Variants in TIAL1 observed in about 807,000 individuals in gnomAD.
TIAL1 encodes the protein TIA1 cytotoxic granule associated RNA binding protein like 1, also known as nucleolysin TIAR.
TIAL1 carries 7 observed loss-of-function variants against 59.7 expected under a neutral mutation model. The ratio of observed to expected loss-of-function variants is 0.12; its 90% CI spans 0.07 to 0.22. The LOEUF is 0.22. TIAL1 is among the 10% of genes least tolerant of loss of function. TIAL1 has a pLI of 1.00. For synonymous variants in TIAL1, 149 were observed against 146.3 expected (o/e 1.02, Z -0.13); for missense variants, 225 against 462.5 (o/e 0.49, Z 4.71).
chr10:119,580,894 A>T (rs1280598545), intron 5 of TIAL1: 3 of 1,089,180 alleles, frequency 2.8e-6, no homozygotes, highest in Non-Finnish European at 3.5e-6. Context: ...ACTTGGACTT[A>T]AGAAAAACTG....
chr10:119,591,780 C>G (rs773458548), intron 1 of TIAL1, among the ~76,000 whole-genome samples: 14 of 152,298 alleles, frequency 9.2e-5, no homozygotes, highest in Admixed American at 2.0e-4. Flanking sequence ...TTTTCTTTTA[C>G]TGAGTTCTTG....
chr10:119,585,407 G>A lies in TIAL1; in HGVS notation c.129+2745C>T, dbSNP rs185060707. On this transcript the variant is annotated intron_variant, in intron 2 of 11. Transcript: ENST00000436547. The stretch of plus-strand genomic sequence containing the variant: ...GGAGGCTGCAGTGAGCCATGATGGC[G>A]CCACTGCACTCCAGCCTGGAGGACA... Among the ~76,000 whole-genome samples, 297 of 150,592 alleles carry A rather than the reference G, an allele frequency of 2.0e-3. 12 individuals are homozygous for A. The highest frequency in any genetic ancestry group is 0.018 in the Admixed American group (271 of 15,102).
Position 119,574,937 on chromosome 10 carries a change from A to T in TIAL1, c.*728T>A, listed in dbSNP as rs1169775739. The T allele has an allele frequency of 6.6e-6, 1 of 152,652 alleles. No individual in the cohort carries two copies. The highest frequency in any genetic ancestry group is 1.5e-5 in the Non-Finnish European group (1 of 68,044). 9.5% of individuals were successfully genotyped at this position (152,652 alleles called of 1,614,324 possible). On this transcript the variant is annotated 3_prime_UTR_variant, in exon 12 of 12. Transcript: ENST00000436547. ...GTATGACTGTCTGACTTCAATACAAACACCATACTTGGATTTCCCCCCAAA... is the reference window on the plus strand; with the variant it reads ...GTATGACTGTCTGACTTCAATACAATCACCATACTTGGATTTCCCCCCAAA...
intron 11 of TIAL1, among the ~76,000 whole-genome samples, 177 bp downstream of exon 11, chr10:119,576,434 A>G (rs1319104082): frequency 1.3e-5 from 2 of 152,194 alleles, no homozygotes; most frequent in African/African-American, 4.8e-5. Context: ...CACCTAGGTA[A>G]TGAGAAGTAA....
At chr10:119,578,224 C>CAAAA (rs10541595) in intron 7 of TIAL1, among the ~76,000 whole-genome samples, 1 of 57,348 alleles carries the variant, frequency 1.7e-5, no homozygotes, top group Non-Finnish European at 3.0e-5. Flanking sequence ...GACTCCACCT[C>CAAAA]AAAAAAAAAA....
chr10:119,596,419 G>T lies in TIAL1; in HGVS notation c.32+15C>A. 1.2e-6 allele frequency: 2 copies of T among 1,611,192 alleles called. No individual in the cohort carries two copies. Among genetic ancestry groups the T allele is most frequent in the South Asian group, 1.1e-5 (1 of 90,782 alleles). Reference sequence around the variant, plus strand: ...GGCCTCTTGGCGCCTGGCACCCCTCGTCTCGGGTACTCACAGAGTCCGGGG... The same window carrying T: ...GGCCTCTTGGCGCCTGGCACCCCTCTTCTCGGGTACTCACAGAGTCCGGGG... On this transcript the variant is annotated intron_variant, in intron 1 of 11. Coordinates refer to ENST00000436547, the MANE Select transcript of TIAL1 (RefSeq NM_003252.4).
chr10:119,584,855 C>T (rs1388386408), intron 2 of TIAL1, among the ~76,000 whole-genome samples: 1 of 151,474 alleles, frequency 6.6e-6, no homozygotes, highest in Non-Finnish European at 1.5e-5. Context: ...GCCTGTAACC[C>T]AAGCACTTTG....
At chr10:119,587,028 C>T (rs1845600125) in intron 2 of TIAL1, among the ~76,000 whole-genome samples, 1 of 152,078 alleles carries the variant, frequency 6.6e-6, no homozygotes, top group Admixed American at 6.6e-5. Flanking sequence ...TCGATGAAAG[C>T]ACAAATAAAT....
At chr10:119,579,670 T>G (rs927818070) in intron 6 of TIAL1, among the ~76,000 whole-genome samples, 11 of 152,330 alleles carry the variant, frequency 7.2e-5, no homozygotes, top group Admixed American at 6.5e-4. Context: ...GGGCTTTACT[T>G]CTAAATCCAT....
intron 1 of TIAL1, among the ~76,000 whole-genome samples, chr10:119,592,654 A>G (rs983661210): frequency 2.0e-5 from 3 of 152,194 alleles, no homozygotes; most frequent in Non-Finnish European, 2.9e-5. Context: ...TAGATCTCTA[A>G]TTAATTGTTC....
chr10:119,578,971 A>C, intron 6 of TIAL1, 137 bp from the exon 7 acceptor site: 1 of 653,410 alleles, frequency 1.5e-6, no homozygotes, highest in Non-Finnish European at 2.7e-6. Flanking sequence ...ACAAAACGAA[A>C]CTGAACTATT....
Position 119,579,950 on chromosome 10 carries a change from A to C in TIAL1, c.432T>G (p.Ser144=), listed in dbSNP as rs1385869737. 6.2e-7 allele frequency: 1 copy of C among 1,604,934 alleles called. No individual in the cohort carries two copies. Among genetic ancestry groups the C allele is most frequent in the Non-Finnish European group, 8.5e-7 (1 of 1,176,932 alleles). The change falls in exon 6 of 12, where the codon TCT becomes TCG. Residue 144 remains serine, a synonymous_variant. Coordinates refer to ENST00000436547, the MANE Select transcript of TIAL1 (RefSeq NM_003252.4). ...TGKSKGYGFV[S]FYNKLDAENA... ...AAGAACGTACCAGTTTGTTATAAAA[A>C]GATACAAAACCATAGCCTTTGGATT...
At chr10:119,591,111 G>A (rs1281314707) in intron 1 of TIAL1, among the ~76,000 whole-genome samples, 1 of 152,020 alleles carries the variant, frequency 6.6e-6, no homozygotes, top group Non-Finnish European at 1.5e-5. Flanking sequence ...TGCTTAATAA[G>A]ATCTTTATTC....
rs371811314 is a variant in TIAL1 at position 119,575,663 on chromosome 10, G to A, written c.*2C>T. ...ATTACAATTTTTTTTTAGAGTCCCG[G>A]CTCACTGTGTTTGGTAACTTGCCAT... On this transcript the variant is annotated 3_prime_UTR_variant, in exon 12 of 12. Coordinates refer to ENST00000436547, the MANE Select transcript of TIAL1 (RefSeq NM_003252.4). The A allele has an allele frequency of 1.2e-5, 19 of 1,613,110 alleles. No individual in the cohort carries two copies. The highest frequency in any genetic ancestry group is 1.5e-5 in the Non-Finnish European group (18 of 1,179,650).
At position 119,573,516 on chromosome 10, in the gene TIAL1, T is replaced by A. The variant is rs1844801676; in HGVS notation, c.*2149A>T. The A allele has an allele frequency of 6.6e-6, 1 of 152,564 alleles. No individual in the cohort carries two copies. 9.5% of individuals were successfully genotyped at this position (152,564 alleles called of 1,614,324 possible). On this transcript the variant is annotated 3_prime_UTR_variant, in exon 12 of 12. Coordinates refer to ENST00000436547, the MANE Select transcript of TIAL1 (RefSeq NM_003252.4). ...GATAATTTTATTAAATCATAGAATA[T>A]ACAGTCAGGAAACACTACAGCTATA...
chr10:119,587,988 TA>T (rs1435261605), intron 2 of TIAL1, among the ~76,000 whole-genome samples, 163 bp downstream of exon 2: 20 of 152,324 alleles, frequency 1.3e-4, no homozygotes, highest in African/African-American at 4.6e-4. Flanking sequence ...CCCTCTTAAA[TA>T]AAACTCCATT....
intron 1 of TIAL1, among the ~76,000 whole-genome samples, chr10:119,590,610 C>T (rs1054624967): frequency 8.6e-5 from 13 of 151,532 alleles, no homozygotes; most frequent in African/African-American, 2.7e-4. Context: ...CTCGGGAGGC[C>T]GAGGCAGGAG....
intron 6 of TIAL1, 99 bp downstream of exon 6, chr10:119,579,836 G>C: frequency 1.2e-6 from 1 of 864,148 alleles, no homozygotes; most frequent in Non-Finnish European, 1.7e-6. Flanking sequence ...TGTGTTTGTA[G>C]TTAACATTCA....
intron 1 of TIAL1, among the ~76,000 whole-genome samples, chr10:119,593,206 G>C (rs1464056833): frequency 1.3e-5 from 2 of 152,190 alleles, no homozygotes; most frequent in East Asian, 3.8e-4. Context: ...GCAGGTGTCA[G>C]ACAGTCCAGT....
Sources: gnomAD v4.1 joint callset for allele counts (sites outside exome capture counted in the v4.1 genomes callset) on GRCh38, gnomAD v4.1.1 for gene constraint, MANE v1.5 for transcripts, NCBI Gene and HGNC (gene_info 2026-07-23, HGNC 2026-07-21) for gene names.